The following KDM1A variants were observed in gnomAD, a reference collection of about 807,000 sequenced individuals.
KDM1A encodes the protein lysine-specific histone demethylase 1A.
Under a neutral mutation model 109.4 loss-of-function variants are expected in KDM1A, and 49 were observed. That is an observed-to-expected ratio of 0.45 (90% CI 0.36 to 0.57). KDM1A has a LOEUF of 0.57. Among genes scored for constraint, KDM1A ranks in the 20% least tolerant of loss-of-function variants. KDM1A has a pLI of 0.00. For synonymous variants in KDM1A, 380 were observed against 415.4 expected (o/e 0.91, Z 1.04); for missense variants, 668 against 1,116.6 (o/e 0.60, Z 5.73).
At chr1:23,071,786 G>A (rs1643328567) in intron 13 of KDM1A, among the ~76,000 whole-genome samples, 2 of 152,162 alleles carry the variant, frequency 1.3e-5, no homozygotes, top group East Asian at 1.9e-4. Context: ...ATAAAATTAT[G>A]TATAAAGTGC....
At chr1:23,061,737 A>C (rs950868347) in intron 9 of KDM1A, among the ~76,000 whole-genome samples, 1 of 151,242 alleles carries the variant, frequency 6.6e-6, no homozygotes, top group Admixed American at 6.6e-5. Flanking sequence ...ACTCACTGCA[A>C]CCTCTGCCTC....
chr1:23,054,279 C>T (rs1458622872), intron 5 of KDM1A, among the ~76,000 whole-genome samples: 1 of 152,102 alleles, frequency 6.6e-6, no homozygotes, highest in Non-Finnish European at 1.5e-5. Flanking sequence ...TTAAATTAGA[C>T]AGACACAGTG....
intron 9 of KDM1A, 77 bp from the exon 10 acceptor site, chr1:23,065,983 C>T: frequency 6.3e-7 from 1 of 1,580,434 alleles, no homozygotes; most frequent in Non-Finnish European, 8.6e-7. Context: ...TTATTGCTGT[C>T]ATACAAAACT....
chr1:23,029,731 C>G (rs992004685), intron 1 of KDM1A, among the ~76,000 whole-genome samples: 7 of 152,292 alleles, frequency 4.6e-5, no homozygotes, highest in East Asian at 1.9e-4. Context: ...CCTCCGCCTC[C>G]CAGGTTCAAG....
intron 3 of KDM1A, among the ~76,000 whole-genome samples, chr1:23,050,142 A>G (rs568668119): frequency 2.0e-5 from 3 of 152,324 alleles, no homozygotes; most frequent in African/African-American, 4.8e-5. Flanking sequence ...AAGTTATTTT[A>G]TGGACAAAGA....
At chr1:23,020,057 C>T (rs1008107220) in intron 1 of KDM1A, 110 bp downstream of exon 1, 4 of 1,182,618 alleles carry the variant, frequency 3.4e-6, no homozygotes, top group South Asian at 4.2e-5. Context: ...CCACTCAGAC[C>T]TCCCCTTGTA....
chr1:23,019,989 G>T (rs751798072), intron 1 of KDM1A, 42 bp downstream of exon 1: 1 of 1,430,342 alleles, frequency 7.0e-7, no homozygotes, highest in African/African-American at 1.5e-5. Context: ...GCCTGGTGCC[G>T]AGCTTCCCCG....
chr1:23,057,753 C>G (rs1642875450), intron 8 of KDM1A, 188 bp downstream of exon 8: 2 of 298,214 alleles, frequency 6.7e-6, no homozygotes, highest in South Asian at 1.3e-4. Flanking sequence ...TTTTCTAGTT[C>G]TAGGAAATTA....
intron 1 of KDM1A, among the ~76,000 whole-genome samples, chr1:23,021,328 TAGAC>T (rs1230500826): frequency 2.6e-5 from 4 of 152,152 alleles, no homozygotes; most frequent in Non-Finnish European, 5.9e-5. Context: ...ACGATTTCAA[TAGAC>T]AGGTGGCCAG....
chr1:23,083,418 A>T lies in KDM1A; in HGVS notation c.*54A>T. 1 of 1,538,106 alleles carries T rather than the reference A, an allele frequency of 6.5e-7. No individual in the cohort carries two copies. The highest frequency in any genetic ancestry group is 8.8e-7 in the Non-Finnish European group (1 of 1,135,114). ...ATGTGCCTGTTTCTGCCATGTAAGG[A>T]AGGCTCTTCTAGCAATACTAGATCC... is the stretch of plus-strand genomic sequence containing the variant. On this transcript the variant is annotated 3_prime_UTR_variant, in exon 21 of 21. Transcript: ENST00000400181.
chr1:23,046,455 G>A (rs1642507106), intron 3 of KDM1A, among the ~76,000 whole-genome samples: 1 of 151,990 alleles, frequency 6.6e-6, no homozygotes, highest in South Asian at 2.1e-4. Flanking sequence ...TCTAGTTATA[G>A]TTATCTACTT....
Position 23,059,110 on chromosome 1 carries a change from T to C in KDM1A, c.1110T>C (p.Asn370=). The C allele has an allele frequency of 6.2e-7, 1 of 1,612,788 alleles. No individual in the cohort carries two copies. The highest frequency in any genetic ancestry group is 8.5e-7 in the Non-Finnish European group (1 of 1,179,508). The change falls in exon 9 of 21, where the codon AAT becomes AAC. Residue 370 remains asparagine, a synonymous_variant. Coordinates refer to ENST00000400181, the MANE Select transcript of KDM1A (RefSeq NM_001009999.3). ...TGGCTGTGGTCAGCAAACAAGTAAA[T>C]ATGGAACTGGCCAAGATCAAGCAAA... ...NPMAVVSKQV[N]MELAKIKQKC...
chr1:23,049,219 A>G (rs1266368683), intron 3 of KDM1A, among the ~76,000 whole-genome samples: 1 of 151,452 alleles, frequency 6.6e-6, no homozygotes, highest in Non-Finnish European at 1.5e-5. Context: ...CTTATATGTA[A>G]TTACTTAAAT....
intron 9 of KDM1A, among the ~76,000 whole-genome samples, 158 bp from the exon 10 acceptor site, chr1:23,065,902 A>T (rs1196517131): frequency 6.7e-6 from 1 of 149,868 alleles, no homozygotes; most frequent in African/African-American, 2.5e-5. Context: ...TCTGTTCCTT[A>T]TTTCTCTGGT....
At chr1:23,060,985 T>C (rs1309006246) in intron 9 of KDM1A, among the ~76,000 whole-genome samples, 2 of 152,208 alleles carry the variant, frequency 1.3e-5, no homozygotes, top group East Asian at 3.8e-4. Flanking sequence ...ACGCCATCTT[T>C]TTCTTTAGAC....
intron 9 of KDM1A, among the ~76,000 whole-genome samples, chr1:23,060,689 G>T (rs1213218410): frequency 6.6e-6 from 1 of 152,176 alleles, no homozygotes; most frequent in Non-Finnish European, 1.5e-5. Flanking sequence ...AGAGAAGTCT[G>T]TAAAGGAGGG....
chr1:23,019,780 A>G lies in KDM1A; in HGVS notation c.184A>G (p.Lys62Glu). Residue 62 changes from lysine (K) to glutamate (E), a missense_variant, in exon 1 of 21, where the codon AAG becomes GAG. Around this residue, in one of 8 missense-constraint regions of KDM1A, gnomAD observed 156 missense variants for 163.4 expected, o/e 0.95. Coordinates refer to ENST00000400181, the MANE Select transcript of KDM1A (RefSeq NM_001009999.3). ...PGAVGERTPR[K>E]KEPPRASPPG... ...GGCGGTGGGGGAGCGCACACCCCGC[A>G]AGAAAGAGCCTCCGCGGGCCTCGCC... 2 of 1,375,722 alleles carry G rather than the reference A, an allele frequency of 1.5e-6. No individual in the cohort carries two copies. The highest frequency in any genetic ancestry group is 1.9e-6 in the Non-Finnish European group (2 of 1,063,828). The allele number at this position is 1,375,722 out of a possible 1,614,324, so 85.2% of individuals were successfully genotyped here. A position where few individuals can be genotyped will look rare whatever the true frequency, so the allele number is the denominator to read the frequency against.
chr1:23,019,858 A>G lies in KDM1A; in HGVS notation c.262A>G (p.Thr88Ala), dbSNP rs752275854. Reference sequence around the variant, plus strand: ...GTCCGCAGGGCCTCAGGCCGGCCCTACTGTCGTGCCTGGGTCTGCGACCCC... The same window carrying G: ...GTCCGCAGGGCCTCAGGCCGGCCCTGCTGTCGTGCCTGGGTCTGCGACCCC... ...PGSAGPQAGPTVVPGSATPME... is the reference protein window; with the variant it reads ...PGSAGPQAGPAVVPGSATPME... Residue 88 changes from threonine to alanine, a missense_variant, in exon 1 of 21, where the codon ACT becomes GCT. Transcript: ENST00000400181. The G allele has an allele frequency of 1.6e-5, 25 of 1,525,918 alleles. No individual in the cohort carries two copies. In the Admixed American group the frequency reaches 4.9e-4, roughly 30 times the overall value. The allele number at this position is 1,525,918 out of a possible 1,614,324, so 94.5% of individuals were successfully genotyped here.
chr1:23,030,690 G>C, intron 2 of KDM1A, 56 bp downstream of exon 2: 1 of 1,430,728 alleles, frequency 7.0e-7, no homozygotes. Context: ...AGAATGAATG[G>C]ATTTATTTCC....
Sources: gnomAD v4.1 joint callset for allele counts (sites outside exome capture counted in the v4.1 genomes callset) on GRCh38, gnomAD v4.1.1 for gene constraint, gnomAD v4.1.1 regional missense constraint, MANE v1.5 for transcripts, NCBI Gene and HGNC (gene_info 2026-07-23, HGNC 2026-07-21) for gene names.